Variants in KCNJ4 observed in about 807,000 individuals in gnomAD.
KCNJ4 encodes potassium inwardly rectifying channel subfamily J member 4.
A neutral mutation model predicts 25.6 loss-of-function variants in KCNJ4; 3 were observed. The observed-to-expected ratio is 0.12, with a 90% confidence interval of 0.05 to 0.30. The LOEUF (loss-of-function observed/expected upper bound fraction) is 0.30. Among genes scored for constraint, KCNJ4 ranks in the 10% least tolerant of loss-of-function variants. The pLI is 1.00. For missense variants in KCNJ4, 286 were observed against 666.8 expected, an observed-to-expected ratio of 0.43 and a Z score of 6.29; for synonymous variants, 257 against 283.9, an observed-to-expected ratio of 0.91 and a Z score of 0.95.
chr22:38,427,658 C>T lies in KCNJ4; in HGVS notation c.475G>A (p.Val159Met), dbSNP rs149414510. The change falls in exon 2 of 2, where the codon GTG (valine) becomes ATG (methionine). Residue 159 changes from valine (V) to methionine (M), a missense_variant. Transcript: ENST00000303592. ...ATGAAGGAGTCGATGACGCAGCCCA[C>T]GATGGACTGGACCACCACAGCGATG... The part of the protein sequence containing the change: ...AVIAVVVQSI[V>M]GCVIDSFMIG... 1.2e-6 allele frequency: 2 copies of T among 1,613,132 alleles called. No individual in the cohort carries two copies. The highest frequency in any genetic ancestry group is 1.7e-6 in the Non-Finnish European group (2 of 1,180,016).
chr22:38,444,371 G>C (rs1177144829), intron 1 of KCNJ4, among the ~76,000 whole-genome samples: 1 of 152,238 alleles, frequency 6.6e-6, no homozygotes, highest in Non-Finnish European at 1.5e-5. Context: ...GGTAGTCAGG[G>C]AGAACTTCCC....
chr22:38,434,647 AC>A (rs1243804559), intron 1 of KCNJ4, among the ~76,000 whole-genome samples: 3 of 151,390 alleles, frequency 2.0e-5, no homozygotes, highest in African/African-American at 7.3e-5. Flanking sequence ...TCAACCTGGG[AC>A]CCCCAGGCTC....
chr22:38,443,452 G>A lies in KCNJ4; in HGVS notation c.-40+11528C>T, dbSNP rs1485266110. Among the ~76,000 whole-genome samples, 1 of 152,088 alleles carries A rather than the reference G, an allele frequency of 6.6e-6. No homozygotes were observed. The highest frequency in any genetic ancestry group is 1.5e-5 in the Non-Finnish European group (1 of 68,000). ...CCCGGCACTGCCAAGCCCAAGCCAT[G>A]CCCCCGTCCTCCCCTCTCCTGCCTT... On this transcript the variant is annotated intron_variant, in intron 1 of 1. Transcript: ENST00000303592. This position sits in a 1 kb window ranked among gnomAD's most constrained non-coding sequence, Gnocchi z 4.1.
rs2093034158 is a variant in KCNJ4, at chr22:38,426,891, G to C, written c.1242C>G (p.Ile414Met). The C allele has an allele frequency of 6.2e-7, 1 of 1,613,058 alleles. No individual in the cohort carries two copies. The highest frequency in any genetic ancestry group is 1.7e-5 in the Admixed American group (1 of 59,998). Residue 414 changes from isoleucine to methionine, a missense_variant, in exon 2 of 2, where the codon ATC becomes ATG. Physicochemically the swap from Ile to Met is conservative, Grantham distance 10. Transcript: ENST00000303592. ...EAGSKEEAGI[I>M]RMLEFGSHLD... ...GGTGGCTGCCGAACTCCAGCATCCG[G>C]ATGATGCCCGCCTCCTCCTTGGAAC...
intron 1 of KCNJ4, among the ~76,000 whole-genome samples, chr22:38,432,239 C>T (rs1053954575): frequency 6.9e-6 from 1 of 144,484 alleles, no homozygotes; most frequent in African/African-American, 2.8e-5. Flanking sequence ...CTGGGTGACA[C>T]AGAGAGACTC....
chr22:38,444,742 T>TG (rs908685017), intron 1 of KCNJ4, among the ~76,000 whole-genome samples: 161 of 151,962 alleles, frequency 1.1e-3, no homozygotes, highest in African/African-American at 1.7e-3. Flanking sequence ...ACGCCTGCCA[T>TG]GGGGGGGGCC....
At chr22:38,437,935 T>G (rs990054300) in intron 1 of KCNJ4, among the ~76,000 whole-genome samples, 1 of 152,006 alleles carries the variant, frequency 6.6e-6, no homozygotes, top group Non-Finnish European at 1.5e-5. Flanking sequence ...AAACCCTGTC[T>G]CTACTAAAAC....
At chr22:38,454,860 A>C (rs1302803344) in intron 1 of KCNJ4, 120 bp downstream of exon 1, 5 of 151,346 alleles carry the variant, frequency 3.3e-5, no homozygotes, top group Non-Finnish European at 7.4e-5. Flanking sequence ...GGCAGCCGGG[A>C]CCCGGCTCCG....
At chr22:38,453,709 C>T (rs1384225959) in intron 1 of KCNJ4, among the ~76,000 whole-genome samples, 1 of 152,172 alleles carries the variant, frequency 6.6e-6, no homozygotes, top group Non-Finnish European at 1.5e-5. Flanking sequence ...GTGACCAGCC[C>T]AGGGGGCTGC....
rs1480879541 is a variant in KCNJ4, at chr22:38,426,916, C to T, written c.1217G>A (p.Gly406Asp). ...AVAAGLGLEAGSKEEAGIIRM... is the reference protein window; with the variant it reads ...AVAAGLGLEADSKEEAGIIRM... ...GATGATGCCCGCCTCCTCCTTGGAA[C>T]CCGCCTCCAGGCCCAGGCCTGCGGC... The change falls in exon 2 of 2, where the codon GGT (glycine) becomes GAT (aspartate). Residue 406 changes from glycine (G) to aspartate (D), a missense_variant. Transcript: ENST00000303592. 1.9e-6 allele frequency: 3 copies of T among 1,612,752 alleles called. No homozygotes were observed. The African/African-American group carries it at 4.0e-5, about 22-fold the overall frequency.
In KCNJ4 at chr22:38,426,707, G is replaced by A; in HGVS notation, c.*88C>T. 1 of 1,479,096 alleles carries A rather than the reference G, an allele frequency of 6.8e-7. No individual in the cohort carries two copies. Among genetic ancestry groups the A allele is most frequent in the Non-Finnish European group, 9.1e-7 (1 of 1,095,820 alleles). The allele number at this position is 1,479,096 out of a possible 1,614,324, so 91.6% of individuals were successfully genotyped here. On this transcript the variant is annotated 3_prime_UTR_variant, in exon 2 of 2. Transcript: ENST00000303592. Reference sequence around the variant, plus strand: ...CAGAAGGTCCACGGAGCCAGGGTTGGCTCTGTCCTGAGTGTGGGAGGGGGT... The same window carrying A: ...CAGAAGGTCCACGGAGCCAGGGTTGACTCTGTCCTGAGTGTGGGAGGGGGT...
At chr22:38,432,629 C>T (rs1265069486) in intron 1 of KCNJ4, among the ~76,000 whole-genome samples, 3 of 152,106 alleles carry the variant, frequency 2.0e-5, no homozygotes, top group African/African-American at 2.4e-5. Flanking sequence ...CTGAGGTTTC[C>T]AAAACCCCCA....
intron 1 of KCNJ4, among the ~76,000 whole-genome samples, chr22:38,445,550 C>T (rs1402336178): frequency 6.6e-6 from 1 of 152,132 alleles, no homozygotes; most frequent in Non-Finnish European, 1.5e-5. Flanking sequence ...GTGATGCGAT[C>T]ACAGCTCAAT....
At position 38,427,152 on chromosome 22, in the gene KCNJ4, G is replaced by A; in HGVS notation, c.981C>T (p.Ser327=). 1 of 1,613,164 alleles carries A rather than the reference G, an allele frequency of 6.2e-7. No homozygotes were observed. Among genetic ancestry groups the A allele is most frequent in the Non-Finnish European group, 8.5e-7 (1 of 1,180,002 alleles). Residue 327 remains serine, a synonymous_variant, in exon 2 of 2, where the codon AGC becomes AGT. Coordinates refer to ENST00000303592, the MANE Select transcript of KCNJ4 (RefSeq NM_152868.3). The part of the protein sequence containing the change: ...RFEPVVFEEK[S]HYKVDYSRFH... ...AACGTGAGTAGTCCACCTTGTAGTG[G>A]CTCTTCTCCTCGAAGACCACAGGCT...
intron 1 of KCNJ4, among the ~76,000 whole-genome samples, chr22:38,452,622 G>A (rs2089416742): frequency 6.6e-6 from 1 of 152,136 alleles, no homozygotes; most frequent in Non-Finnish European, 1.5e-5. Flanking sequence ...GAAGAGAGAC[G>A]ACAGATTGCG....
chr22:38,440,116 T>G (rs1481857699), intron 1 of KCNJ4, among the ~76,000 whole-genome samples: 1 of 148,328 alleles, frequency 6.7e-6, no homozygotes, highest in East Asian at 2.0e-4. Context: ...AAAAAAGAAA[T>G]ACAACATTCC....
chr22:38,439,203 G>A (rs980787101), intron 1 of KCNJ4, among the ~76,000 whole-genome samples: 1 of 152,160 alleles, frequency 6.6e-6, no homozygotes, highest in African/African-American at 2.4e-5. Context: ...GGAGGCCAAG[G>A]CGGATGGATC....
chr22:38,439,173 G>A (rs2089314276), intron 1 of KCNJ4, among the ~76,000 whole-genome samples: 1 of 152,108 alleles, frequency 6.6e-6, no homozygotes, highest in South Asian at 2.1e-4. Flanking sequence ...GGACCTGTGA[G>A]GTGCAATCCC....
chr22:38,426,554 G>C lies in KCNJ4; in HGVS notation c.*241C>G. Reference sequence around the variant, plus strand: ...TCAGTGGGGGAAGGGTGGTGGATCCGGGGACCTAGAGCCACCAGAAGTAGG... The same window carrying C: ...TCAGTGGGGGAAGGGTGGTGGATCCCGGGACCTAGAGCCACCAGAAGTAGG... On this transcript the variant is annotated 3_prime_UTR_variant, in exon 2 of 2. Transcript: ENST00000303592. 2.0e-6 allele frequency: 1 copy of C among 498,696 alleles called. No homozygotes were observed. Among genetic ancestry groups the C allele is most frequent in the Non-Finnish European group, 3.5e-6 (1 of 282,854 alleles). The allele number at this position is 498,696 out of a possible 1,614,324, so 30.9% of individuals were successfully genotyped here.
Sources: gnomAD v4.1 joint callset for allele counts (sites outside exome capture counted in the v4.1 genomes callset) on GRCh38, gnomAD v4.1.1 for gene constraint, Gnocchi (gnomAD v3.1) non-coding constraint, MANE v1.5 for transcripts, NCBI Gene and HGNC (gene_info 2026-07-23, HGNC 2026-07-21) for gene names.